The following STK33 variants were observed in gnomAD, a reference collection of about 807,000 sequenced individuals.
STK33 encodes the protein serine/threonine kinase 33.
In STK33, 52 loss-of-function variants were observed where a neutral mutation model predicts 58.0. The observed-to-expected ratio is 0.90, with a 90% CI of 0.72 to 1.13. The LOEUF (loss-of-function observed/expected upper bound fraction) is 1.13, where lower values mean the gene tolerates loss of function less well. Ranked by LOEUF, STK33 falls within the 50% of genes most tolerant of loss-of-function variation. The pLI is 0.00. For missense variants in STK33, 630 were observed against 604.2 expected (o/e 1.04, Z -0.45); for synonymous variants, 215 against 200.1 (o/e 1.07, Z -0.63).
chr11:8,346,855 G>A, the STK33 span, among the ~76,000 whole-genome samples: 185 of 152,324 alleles, frequency 1.2e-3, no homozygotes, highest in African/African-American at 4.4e-3. Flanking sequence ...AGGAAGGCCC[G>A]AGCTCTGGAG....
chr11:8,499,632 T>C (rs1044997704), intron 1 of STK33, among the ~76,000 whole-genome samples: 1 of 152,208 alleles, frequency 6.6e-6, no homozygotes, highest in Non-Finnish European at 1.5e-5. Context: ...GTAGGTTTAT[T>C]GTGGCACTAT....
At chr11:8,568,583 T>C (rs934402418) in intron 1 of STK33, among the ~76,000 whole-genome samples, 2 of 152,174 alleles carry the variant, frequency 1.3e-5, no homozygotes, top group African/African-American at 4.8e-5. Context: ...AATTAGACGT[T>C]TGAAGTTTTT....
the STK33 span, among the ~76,000 whole-genome samples, chr11:8,346,723 C>A: frequency 6.6e-6 from 1 of 152,154 alleles, no homozygotes; most frequent in Admixed American, 6.5e-5. Flanking sequence ...TCTTCCCACC[C>A]CGACCCCTAC....
intron 11 of STK33, among the ~76,000 whole-genome samples, chr11:8,449,783 A>G (rs1946037462): frequency 6.6e-6 from 1 of 152,158 alleles, no homozygotes; most frequent in African/African-American, 2.4e-5. Flanking sequence ...GTATAATAAA[A>G]GAAAGAAAGA....
At chr11:8,584,526 C>G (rs76338552) in intron 1 of STK33, among the ~76,000 whole-genome samples, 15 of 152,182 alleles carry the variant, frequency 9.9e-5, no homozygotes, top group African/African-American at 3.6e-4. Flanking sequence ...GCCTGAGAGA[C>G]ACAGCCTTGG....
intron 1 of STK33, among the ~76,000 whole-genome samples, chr11:8,538,296 T>C (rs1955218016): frequency 1.3e-5 from 2 of 152,160 alleles, no homozygotes; most frequent in Non-Finnish European, 2.9e-5. Context: ...TTACAACAAC[T>C]CTATGAAGTA....
rs951048472 is a variant in STK33, at chr11:8,407,318, C to T, written c.1344+6177G>A. On this transcript the variant is annotated intron_variant, in intron 15 of 15. Coordinates refer to ENST00000687296, the MANE Select transcript of STK33 (RefSeq NM_001352389.2). The stretch of plus-strand genomic sequence containing the variant: ...TGGCTAATAATTTTCTTGTAACATC[C>T]TTGTCATGTTTAGGTATTGTTGTTA... 9.2e-5 allele frequency among the ~76,000 whole-genome samples: 14 copies of T among 151,942 alleles called. No individual in the cohort carries two copies. The South Asian group carries it at 2.1e-3, about 23-fold the overall frequency.
intron 1 of STK33, among the ~76,000 whole-genome samples, chr11:8,532,052 A>G (rs962627638): frequency 1.2e-4 from 19 of 152,226 alleles, no homozygotes; most frequent in African/African-American, 4.6e-4. Context: ...GAGAAGTGTA[A>G]TATTATTTAA....
At chr11:8,533,385 T>C (rs962758467) in intron 1 of STK33, 3 of 152,250 alleles carry the variant, frequency 2.0e-5, no homozygotes, top group Admixed American at 2.0e-4. Context: ...AAATTTCCAG[T>C]GTGCGTAAGC....
chr11:8,438,181 A>C (rs1944311031), intron 12 of STK33, among the ~76,000 whole-genome samples: 1 of 152,184 alleles, frequency 6.6e-6, no homozygotes, highest in African/African-American at 2.4e-5. Context: ...TGTTCTTTGC[A>C]ATTTTATTTA....
chr11:8,457,756 C>T (rs889463524), intron 8 of STK33, among the ~76,000 whole-genome samples: 23 of 152,166 alleles, frequency 1.5e-4, no homozygotes, highest in Admixed American at 8.5e-4. Flanking sequence ...GAGGGGCAGC[C>T]TCTGTCTAAA....
chr11:8,358,867 A>G, the STK33 span, among the ~76,000 whole-genome samples: 1 of 152,194 alleles, frequency 6.6e-6, no homozygotes, highest in Non-Finnish European at 1.5e-5. Context: ...AAACAGAAAA[A>G]GAATAAATTT....
intron 1 of STK33, among the ~76,000 whole-genome samples, chr11:8,510,283 G>T (rs1234416947): frequency 6.6e-6 from 1 of 152,104 alleles, no homozygotes; most frequent in African/African-American, 2.4e-5. Flanking sequence ...AAGTTTGTTG[G>T]CTGTCTGTAT....
intron 11 of STK33, among the ~76,000 whole-genome samples, chr11:8,448,425 CA>C (rs1418700594): frequency 1.3e-5 from 2 of 152,058 alleles, no homozygotes; most frequent in African/African-American, 4.8e-5. Flanking sequence ...GTACTGGTCC[CA>C]AAATAGAGAT....
intron 1 of STK33, among the ~76,000 whole-genome samples, chr11:8,548,672 A>G (rs1040485416): frequency 2.0e-5 from 3 of 152,186 alleles, no homozygotes; most frequent in African/African-American, 7.2e-5. Context: ...GAGGGATTGC[A>G]TTGAATCTGT....
intron 1 of STK33, among the ~76,000 whole-genome samples, chr11:8,537,043 C>T (rs1955087298): frequency 8.7e-6 from 1 of 115,020 alleles, no homozygotes; most frequent in South Asian, 3.2e-4. Flanking sequence ...TGCAGTGGCT[C>T]CATCTCGGGT....
intron 11 of STK33, among the ~76,000 whole-genome samples, chr11:8,451,092 G>A (rs780717152): frequency 2.9e-4 from 44 of 152,116 alleles, no homozygotes; most frequent in Non-Finnish European, 4.4e-4. Context: ...AAGAGTTGTC[G>A]AAGATATGGA....
intron 1 of STK33, among the ~76,000 whole-genome samples, chr11:8,516,871 A>AG (rs1303593402): frequency 6.6e-6 from 1 of 152,176 alleles, no homozygotes; most frequent in Admixed American, 6.5e-5. Flanking sequence ...CAGCTCAAGG[A>AG]GGCCTGCCTG....
the STK33 span, among the ~76,000 whole-genome samples, chr11:8,337,463 C>T: frequency 7.4e-4 from 112 of 152,262 alleles, no homozygotes; most frequent in African/African-American, 2.4e-3. Context: ...GGGGCTTCTG[C>T]GCCCTCCTCA....
Sources: allele counts gnomAD v4.1 joint callset (sites outside exome capture counted in the v4.1 genomes callset), GRCh38; gene constraint gnomAD v4.1.1; transcripts MANE v1.5; gene names NCBI Gene and HGNC (gene_info 2026-07-23, HGNC 2026-07-21).